The following MYOZ2 variants were observed in gnomAD, a reference collection of about 807,000 sequenced individuals.
The protein encoded by MYOZ2 is myozenin 2, also known as myozenin-2.
MYOZ2 carries 19 observed loss-of-function variants against 25.4 expected under a neutral mutation model. The observed-to-expected ratio is 0.75, with a 90% CI of 0.52 to 1.10. The LOEUF (loss-of-function observed/expected upper bound fraction) is 1.10, where lower values mean the gene tolerates loss of function less well. Ranked by LOEUF, MYOZ2 falls within the 50% of genes least tolerant of loss-of-function variation. The probability of loss-of-function intolerance (pLI) is 0.00; values close to 1 mark genes in which losing one functional copy is unlikely to be tolerated. For missense variants in MYOZ2, 270 were observed against 317.9 expected, an observed-to-expected ratio of 0.85 and a Z score of 1.15; for synonymous variants, 92 against 106.9, an observed-to-expected ratio of 0.86 and a Z score of 0.86.
At chr4:119,179,742 C>T (rs954587122) in intron 5 of MYOZ2, among the ~76,000 whole-genome samples, 2 of 152,222 alleles carry the variant, frequency 1.3e-5, no homozygotes, top group Admixed American at 6.5e-5. Context: ...GATCAAACTG[C>T]CAGCATTTGG....
At chr4:119,174,106 G>A (rs970748383) in intron 5 of MYOZ2, among the ~76,000 whole-genome samples, 29 of 152,136 alleles carry the variant, frequency 1.9e-4, no homozygotes, top group African/African-American at 6.0e-4. Flanking sequence ...GAGCCTCCCC[G>A]ACGAGTGCCA....
At chr4:119,173,942 G>A (rs550467885) in intron 5 of MYOZ2, among the ~76,000 whole-genome samples, 5 of 152,224 alleles carry the variant, frequency 3.3e-5, no homozygotes, top group African/African-American at 9.6e-5. Flanking sequence ...CAGCGGCGGT[G>A]GGGGGTGTAC....
chr4:119,174,556 T>G (rs1448429552), intron 5 of MYOZ2, among the ~76,000 whole-genome samples: 1 of 152,032 alleles, frequency 6.6e-6, no homozygotes, highest in East Asian at 1.9e-4. Context: ...TGGAGAACCT[T>G]TGTGTCCATA....
At chr4:119,182,924 A>G (rs1742214435) in intron 5 of MYOZ2, among the ~76,000 whole-genome samples, 1 of 152,216 alleles carries the variant, frequency 6.6e-6, no homozygotes, top group Non-Finnish European at 1.5e-5. Context: ...ATTTAATTGA[A>G]ACGAAAGTAA....
At chr4:119,148,352 C>A (rs1741356111) in intron 2 of MYOZ2, among the ~76,000 whole-genome samples, 1 of 152,098 alleles carries the variant, frequency 6.6e-6, no homozygotes. Flanking sequence ...GTTTAGGGTT[C>A]TCTTAGCTTC....
At chr4:119,159,634 GAT>G (rs1235673168) in intron 4 of MYOZ2, among the ~76,000 whole-genome samples, 1 of 152,036 alleles carries the variant, frequency 6.6e-6, no homozygotes, top group African/African-American at 2.4e-5. Context: ...TGAAACTAAA[GAT>G]ATATGTCTAA....
At chr4:119,168,840 T>G (rs1416186061) in intron 5 of MYOZ2, among the ~76,000 whole-genome samples, 1 of 152,202 alleles carries the variant, frequency 6.6e-6, no homozygotes, top group African/African-American at 2.4e-5. Flanking sequence ...ATTGAGAATA[T>G]TCCCTAAACT....
At chr4:119,171,104 T>G (rs890832450) in intron 5 of MYOZ2, among the ~76,000 whole-genome samples, 1 of 152,142 alleles carries the variant, frequency 6.6e-6, no homozygotes. Context: ...CATAAATGTT[T>G]TCAGAGAAAG....
chr4:119,144,211 T>C (rs1265503576), intron 2 of MYOZ2, among the ~76,000 whole-genome samples: 1 of 152,168 alleles, frequency 6.6e-6, no homozygotes, highest in South Asian at 2.1e-4. Flanking sequence ...ACAAATGGAA[T>C]CATACAGCAT....
intron 5 of MYOZ2, among the ~76,000 whole-genome samples, chr4:119,175,202 A>G (rs2149228317): frequency 6.6e-6 from 1 of 152,320 alleles, no homozygotes; most frequent in South Asian, 2.1e-4. Context: ...TTTCATTTAT[A>G]AGAGAAGAAA....
chr4:119,168,219 G>A (rs189324696), intron 5 of MYOZ2, among the ~76,000 whole-genome samples: 7 of 152,288 alleles, frequency 4.6e-5, no homozygotes, highest in Non-Finnish European at 8.8e-5. Context: ...TGATCTGCCC[G>A]CCTCGGTCTC....
In MYOZ2 at chr4:119,186,755, G is replaced by A. The variant is rs1351439495; in HGVS notation, c.*555G>A. The A allele has an allele frequency of 6.5e-6, 1 of 152,730 alleles. No homozygotes were observed. Among genetic ancestry groups the A allele is most frequent in the African/African-American group, 2.4e-5 (1 of 41,438 alleles). The allele number at this position is 152,730 out of a possible 1,614,324, so 9.5% of individuals were successfully genotyped here. A position where few individuals can be genotyped will look rare whatever the true frequency, so the allele number is the denominator to read the frequency against. On this transcript the variant is annotated 3_prime_UTR_variant, in exon 6 of 6. Transcript: ENST00000307128. ...TAAAGTGCTTTGCACTTTTCAATAT[G>A]TTTTGAATCATTAGGTAATTTATTC...
At chr4:119,154,003 T>C (rs1275939194) in intron 3 of MYOZ2, among the ~76,000 whole-genome samples, 1 of 152,102 alleles carries the variant, frequency 6.6e-6, no homozygotes, top group Non-Finnish European at 1.5e-5. Context: ...TCTCTTCTTA[T>C]CAGTTACTGC....
intron 4 of MYOZ2, 26 bp downstream of exon 4, chr4:119,158,177 C>T (rs1456782368): frequency 6.2e-7 from 1 of 1,612,918 alleles, no homozygotes; most frequent in East Asian, 2.2e-5. Context: ...ACCAACAGAG[C>T]AATAAAATTT....
At chr4:119,173,818 G>A (rs1741994728) in intron 5 of MYOZ2, among the ~76,000 whole-genome samples, 1 of 152,206 alleles carries the variant, frequency 6.6e-6, no homozygotes. Context: ...GGGCTGCGTG[G>A]GACGCTTGCT....
intron 5 of MYOZ2, among the ~76,000 whole-genome samples, chr4:119,170,797 C>G (rs1368410033): frequency 6.6e-6 from 1 of 152,004 alleles, no homozygotes; most frequent in Non-Finnish European, 1.5e-5. Flanking sequence ...TCAAAATTGA[C>G]AAAAGACATC....
In MYOZ2 at chr4:119,186,528, G is replaced by A. The variant is rs62326345; in HGVS notation, c.*328G>A. 65,793 of 270,820 alleles carry A rather than the reference G, an allele frequency of 0.24. 8,952 individuals are homozygous for A. The highest frequency in any genetic ancestry group is 0.31 in the Admixed American group (6,117 of 19,554). The allele number at this position is 270,820 out of a possible 1,614,324, so 16.8% of individuals were successfully genotyped here. A position where few individuals can be genotyped will look rare whatever the true frequency, so the allele number is the denominator to read the frequency against. Reference sequence around the variant, plus strand: ...CTCATTTTATATGATTTATTACAGTGTAAGTTTTTCAAGTGGAATCTAGAA... The same window carrying A: ...CTCATTTTATATGATTTATTACAGTATAAGTTTTTCAAGTGGAATCTAGAA... On this transcript the variant is annotated 3_prime_UTR_variant, in exon 6 of 6. Coordinates refer to ENST00000307128, the MANE Select transcript of MYOZ2 (RefSeq NM_016599.5).
chr4:119,139,258 C>T (rs75962592), intron 2 of MYOZ2, among the ~76,000 whole-genome samples: 2,450 of 152,190 alleles, frequency 0.016, 90 homozygotes, highest in East Asian at 0.16. Flanking sequence ...TCACCTTGGC[C>T]GGAAGCAGAG....
At chr4:119,180,608 C>T (rs1264463987) in intron 5 of MYOZ2, among the ~76,000 whole-genome samples, 1 of 152,170 alleles carries the variant, frequency 6.6e-6, no homozygotes. Flanking sequence ...TGCTGGAGTG[C>T]GGTGGTGCGA....
Sources: allele counts gnomAD v4.1 joint callset (sites outside exome capture counted in the v4.1 genomes callset), GRCh38; gene constraint gnomAD v4.1.1; transcripts MANE v1.5; gene names NCBI Gene and HGNC (gene_info 2026-07-23, HGNC 2026-07-21).